The following ALPK2 variants were observed in gnomAD, a reference collection of about 807,000 sequenced individuals.
The protein encoded by ALPK2 is alpha-protein kinase 2.
ALPK2 carries 127 observed loss-of-function variants against 163.1 expected under a neutral mutation model. The observed-to-expected ratio is 0.78, with a 90% CI of 0.67 to 0.90. ALPK2 has a LOEUF of 0.90. ALPK2 is among the 40% of genes least tolerant of loss of function. ALPK2 has a pLI of 0.00. For missense variants in ALPK2, 2,360 were observed against 2,589.6 expected, an observed-to-expected ratio of 0.91 and a Z score of 1.92; for synonymous variants, 953 against 959.1, an observed-to-expected ratio of 0.99 and a Z score of 0.12.
chr18:58,495,950 C>G (rs1312528040), intron 12 of ALPK2, among the ~76,000 whole-genome samples: 2 of 152,188 alleles, frequency 1.3e-5, no homozygotes, highest in African/African-American at 4.8e-5. Flanking sequence ...CTGCAAGGTT[C>G]TGCAGAACAC....
intron 5 of ALPK2, among the ~76,000 whole-genome samples, chr18:58,534,250 G>A (rs776033211): frequency 6.6e-6 from 1 of 151,680 alleles, no homozygotes; most frequent in African/African-American, 2.4e-5. Flanking sequence ...GAGGATTTTA[G>A]ATTTAGATAA....
chr18:58,501,474 A>G (rs2051431064), intron 11 of ALPK2, among the ~76,000 whole-genome samples: 1 of 152,216 alleles, frequency 6.6e-6, no homozygotes, highest in African/African-American at 2.4e-5. Flanking sequence ...GCAAGGCGGT[A>G]ATGTTGCATT....
chr18:58,506,902 A>G (rs2051464866), intron 10 of ALPK2, among the ~76,000 whole-genome samples: 1 of 152,170 alleles, frequency 6.6e-6, no homozygotes. Flanking sequence ...CTGATCATCA[A>G]AAGTGTCTCC....
chr18:58,610,766 AC>A (rs561456887), intron 2 of ALPK2, among the ~76,000 whole-genome samples: 353 of 149,208 alleles, frequency 2.4e-3, no homozygotes, highest in African/African-American at 8.2e-3. Context: ...ATGGTGAACC[AC>A]CCCCCTCCCC....
chr18:58,566,690 G>C (rs1223359825), intron 4 of ALPK2: 1 of 152,276 alleles, frequency 6.6e-6, no homozygotes, highest in South Asian at 2.1e-4. Flanking sequence ...ACCTGTTTTG[G>C]ATTAGTTACA....
intron 3 of ALPK2, among the ~76,000 whole-genome samples, chr18:58,585,024 G>A (rs1027078931): frequency 2.0e-5 from 3 of 152,148 alleles, no homozygotes; most frequent in Admixed American, 2.0e-4. Flanking sequence ...CCTCTCCCCT[G>A]CTGTGAAAGT....
chr18:58,498,245 C>G (rs2051411374), intron 11 of ALPK2, 148 bp from the exon 12 acceptor site: 1 of 704,806 alleles, frequency 1.4e-6, no homozygotes, highest in Non-Finnish European at 2.5e-6. Flanking sequence ...ATATACGCAT[C>G]CAGCTTTAGG....
chr18:58,535,113 C>T lies in ALPK2; in HGVS notation c.5074G>A (p.Glu1692Lys). Residue 1692 changes from glutamate (E) to lysine (K), a missense_variant, in exon 5 of 13, where the codon GAA (glutamate) becomes AAA (lysine). Coordinates refer to ENST00000361673, the MANE Select transcript of ALPK2 (RefSeq NM_052947.4). The stretch of plus-strand genomic sequence containing the variant: ...CCTGGCGATTTGCCTGCTCGGGCTT[C>T]CAGGGACTTCTCTCTCTCCCTGGAC... Reference protein sequence around the residue: ...KKSREREKSLEARAGKSPGTL... With the variant: ...KKSREREKSLKARAGKSPGTL... 1 of 1,614,108 alleles carries T rather than the reference C, an allele frequency of 6.2e-7. No homozygotes were observed. Among genetic ancestry groups the T allele is most frequent in the Non-Finnish European group, 8.5e-7 (1 of 1,180,016 alleles).
At chr18:58,547,119 G>A (rs1228456107) in intron 4 of ALPK2, among the ~76,000 whole-genome samples, 1 of 144,360 alleles carries the variant, frequency 6.9e-6, no homozygotes, top group Non-Finnish European at 1.5e-5. Context: ...TTCTTCCACA[G>A]TAAAGTAAGA....
intron 10 of ALPK2, among the ~76,000 whole-genome samples, chr18:58,510,237 G>A (rs2051483199): frequency 6.6e-6 from 1 of 152,096 alleles, no homozygotes; most frequent in Non-Finnish European, 1.5e-5. Flanking sequence ...CTGTTCCATT[G>A]GTCTACATCT....
intron 4 of ALPK2, among the ~76,000 whole-genome samples, chr18:58,539,787 C>A (rs1413932399): frequency 2.0e-5 from 3 of 152,184 alleles, no homozygotes. Flanking sequence ...GTCAGTCTTA[C>A]TACCTTGTGG....
chr18:58,495,392 T>C (rs970692006), intron 12 of ALPK2, among the ~76,000 whole-genome samples: 2 of 152,126 alleles, frequency 1.3e-5, no homozygotes, highest in African/African-American at 4.8e-5. Context: ...AGGCAATGAG[T>C]AAGTAATACT....
intron 9 of ALPK2, 28 bp from the exon 10 acceptor site, chr18:58,515,109 C>A: frequency 6.5e-7 from 1 of 1,549,986 alleles, no homozygotes. Context: ...ATAGAAAGCC[C>A]CAGTGACTAC....
chr18:58,578,733 G>GACACACACACGCGCGCACACGCGCGC, intron 4 of ALPK2, 81 bp downstream of exon 4: 1 of 530,150 alleles, frequency 1.9e-6, no homozygotes, highest in Non-Finnish European at 3.1e-6. Flanking sequence ...TAAAGGAAGA[G>GACACACACACGCGCGCACACGCGCGC]ACACACACAC....
chr18:58,625,451 G>A (rs2052224746), intron 1 of ALPK2, among the ~76,000 whole-genome samples: 1 of 152,210 alleles, frequency 6.6e-6, no homozygotes, highest in African/African-American at 2.4e-5. Context: ...CTACAGCAGT[G>A]GTTCTCAGAG....
At chr18:58,563,463 CTT>C (rs2051835293) in intron 4 of ALPK2, among the ~76,000 whole-genome samples, 1 of 152,112 alleles carries the variant, frequency 6.6e-6, no homozygotes, top group South Asian at 2.1e-4. Context: ...AAAGAAGTGA[CTT>C]TGAGACTGAC....
chr18:58,576,782 A>G (rs1022356579), intron 4 of ALPK2, among the ~76,000 whole-genome samples: 17 of 152,212 alleles, frequency 1.1e-4, no homozygotes, highest in Admixed American at 1.3e-4. Context: ...CCACAGATAG[A>G]AAGATCGTAT....
chr18:58,543,358 C>G (rs146678672), intron 4 of ALPK2: 2 of 985,440 alleles, frequency 2.0e-6, no homozygotes, highest in East Asian at 2.3e-4. Flanking sequence ...AACAAGTGCT[C>G]TGTGCACCAG....
At chr18:58,483,625 A>G (rs1411532099) in intron 12 of ALPK2, among the ~76,000 whole-genome samples, 4 of 151,538 alleles carry the variant, frequency 2.6e-5, no homozygotes, top group Non-Finnish European at 5.9e-5. Flanking sequence ...ATCTCAGCTC[A>G]TTGCAACCTC....
Sources: gnomAD v4.1 joint callset for allele counts (sites outside exome capture counted in the v4.1 genomes callset) on GRCh38, gnomAD v4.1.1 for gene constraint, MANE v1.5 for transcripts, NCBI Gene and HGNC (gene_info 2026-07-23, HGNC 2026-07-21) for gene names.